RPH3A: variants seen among roughly 807,000 people sequenced by gnomAD.
RPH3A encodes the protein rabphilin 3A.
RPH3A carries 48 observed loss-of-function variants against 102.2 expected under a neutral mutation model. The ratio of observed to expected loss-of-function variants is 0.47; its 90% CI spans 0.37 to 0.60. The LOEUF (loss-of-function observed/expected upper bound fraction) is 0.60. Among genes scored for constraint, RPH3A ranks in the 20% least tolerant of loss-of-function variants. The pLI, the probability that RPH3A is intolerant of heterozygous loss-of-function variation, is 0.00. For synonymous variants in RPH3A, 310 were observed against 324.3 expected (o/e 0.96, Z 0.47); for missense variants, 781 against 910.1 (o/e 0.86, Z 1.83).
chr12:112,578,700 A>G (rs1409476118), intron 1 of RPH3A, among the ~76,000 whole-genome samples: 2 of 152,216 alleles, frequency 1.3e-5, no homozygotes, highest in Admixed American at 6.5e-5. Flanking sequence ...AGTCTGAACT[A>G]GCCACTTTCT....
At chr12:112,875,489 G>A (rs565676854) in intron 11 of RPH3A, among the ~76,000 whole-genome samples, 190 bp from the exon 12 acceptor site, 1 of 152,248 alleles carries the variant, frequency 6.6e-6, no homozygotes, top group Non-Finnish European at 1.5e-5. Flanking sequence ...AGTTCCCACA[G>A]CACTAGGGCT....
At chr12:112,672,671 C>A (rs1357646486) in intron 1 of RPH3A, among the ~76,000 whole-genome samples, 1 of 152,216 alleles carries the variant, frequency 6.6e-6, no homozygotes, top group Non-Finnish European at 1.5e-5. Flanking sequence ...TGGGGGCATG[C>A]TCACTTGTCC....
intron 1 of RPH3A, among the ~76,000 whole-genome samples, chr12:112,764,375 T>C (rs2040874379): frequency 6.6e-6 from 1 of 152,182 alleles, no homozygotes; most frequent in South Asian, 2.1e-4. Flanking sequence ...AAAGGTGGTC[T>C]TGTTATGTAG....
chr12:112,581,597 A>G (rs772231557), intron 1 of RPH3A, among the ~76,000 whole-genome samples: 10 of 152,214 alleles, frequency 6.6e-5, no homozygotes, highest in African/African-American at 1.2e-4. Flanking sequence ...ATGGGGTTTC[A>G]CTATGTTTCC....
intron 1 of RPH3A, among the ~76,000 whole-genome samples, chr12:112,581,890 T>C (rs938236920): frequency 6.8e-6 from 1 of 147,982 alleles, no homozygotes; most frequent in African/African-American, 2.5e-5. Context: ...TTAGTTTCTT[T>C]TTCCGTTGAG....
rs149584834 is a variant in RPH3A at position 112,760,657 on chromosome 12, G to A, written c.-139-31486G>A. Among the ~76,000 whole-genome samples, 540 of 152,338 alleles carry A rather than the reference G, an allele frequency of 3.5e-3. 5 individuals carry two copies. Among genetic ancestry groups the A allele is most frequent in the African/African-American group, 0.012 (503 of 41,576 alleles). ...GGGCAAGTATAAATGGCTCCTGAGA[G>A]GACATGTTTACTCAGTGGCATGGGA... On this transcript the variant is annotated intron_variant, in intron 1 of 21. Transcript: ENST00000543106.
intron 1 of RPH3A, among the ~76,000 whole-genome samples, chr12:112,606,200 C>G (rs761446215): frequency 6.6e-6 from 1 of 152,196 alleles, no homozygotes; most frequent in East Asian, 1.9e-4. Flanking sequence ...TCTTGTGAAA[C>G]GAGAACAGGT....
At chr12:112,805,223 T>G (rs1038369181) in intron 2 of RPH3A, among the ~76,000 whole-genome samples, 1 of 152,018 alleles carries the variant, frequency 6.6e-6, no homozygotes, top group African/African-American at 2.4e-5. Flanking sequence ...GGAAGAAAAT[T>G]TTACTTATCT....
At chr12:112,809,968 T>A (rs752766825) in intron 2 of RPH3A, among the ~76,000 whole-genome samples, 1 of 152,208 alleles carries the variant, frequency 6.6e-6, no homozygotes, top group Non-Finnish European at 1.5e-5. Flanking sequence ...CAGTTCTATA[T>A]GATAAGAGCT....
intron 10 of RPH3A, among the ~76,000 whole-genome samples, chr12:112,874,555 G>A (rs192531957): frequency 1.8e-3 from 267 of 152,304 alleles, no homozygotes; most frequent in African/African-American, 5.4e-3. Context: ...GTTCAGAGAG[G>A]ATGAGTATCC....
chr12:112,615,361 G>T (rs2039670664), intron 1 of RPH3A, among the ~76,000 whole-genome samples: 1 of 152,140 alleles, frequency 6.6e-6, no homozygotes, highest in African/African-American at 2.4e-5. Context: ...TCCAGTGATT[G>T]TTCCCCACAC....
chr12:112,792,785 TGTG>T (rs2041149015), intron 2 of RPH3A, among the ~76,000 whole-genome samples: 2 of 152,206 alleles, frequency 1.3e-5, no homozygotes, highest in South Asian at 2.1e-4. Context: ...GTAATTTAAT[TGTG>T]GTGATTTTTG....
At chr12:112,743,035 T>G (rs986806253) in intron 1 of RPH3A, among the ~76,000 whole-genome samples, 11 of 152,174 alleles carry the variant, frequency 7.2e-5, no homozygotes. Flanking sequence ...GTGTCCTACT[T>G]CCTCTTCTGT....
chr12:112,662,261 C>G (rs892713815), intron 1 of RPH3A, among the ~76,000 whole-genome samples: 1 of 152,172 alleles, frequency 6.6e-6, no homozygotes, highest in Non-Finnish European at 1.5e-5. Context: ...TCCCATTTGA[C>G]TCACTCCAGA....
chr12:112,601,841 T>G (rs1201280070), intron 1 of RPH3A, among the ~76,000 whole-genome samples: 1 of 151,592 alleles, frequency 6.6e-6, no homozygotes, highest in African/African-American at 2.4e-5. Flanking sequence ...CTTGGGAGGC[T>G]GAGGTAGGAG....
intron 5 of RPH3A, among the ~76,000 whole-genome samples, chr12:112,848,147 G>C (rs138325114): frequency 2.8e-3 from 429 of 152,254 alleles, no homozygotes; most frequent in African/African-American, 9.8e-3. Context: ...TTGTGATAGG[G>C]AAAGAGGAGA....
chr12:112,831,712 C>A (rs1375456057), intron 3 of RPH3A: 1 of 453,682 alleles, frequency 2.2e-6, no homozygotes, highest in Admixed American at 2.4e-5. Context: ...CTGTGTGTAT[C>A]TTAAAACATT....
In RPH3A at chr12:112,712,925, C is replaced by CTTCTTCTTCTTCTTCTTCTTCTTCT. The variant is rs1565856803; in HGVS notation, c.-139-79217_-139-79216insTCTTCTTCTTCTTCTTCTTCTTCTT. ...CTTCCTCTTCTTCTTCTTCTTCTTC[C>CTTCTTCTTCTTCTTCTTCTTCTTCT]TCTTCTTCTTCTTCTTCTTCTTCTT... On this transcript the variant is annotated intron_variant, in intron 1 of 21. Transcript: ENST00000543106. Among the ~76,000 whole-genome samples the CTTCTTCTTCTTCTTCTTCTTCTTCT allele has an allele frequency of 4.7e-4, 44 of 94,550 alleles. 3 individuals carry two copies. Among genetic ancestry groups the CTTCTTCTTCTTCTTCTTCTTCTTCT allele is most frequent in the African/African-American group, 1.9e-3 (42 of 21,916 alleles). The allele number at this position is 94,550 out of a possible 152,430, so 62.0% of individuals were successfully genotyped here.
At chr12:112,767,779 C>A (rs780279017) in intron 1 of RPH3A, among the ~76,000 whole-genome samples, 1 of 152,066 alleles carries the variant, frequency 6.6e-6, no homozygotes, top group Non-Finnish European at 1.5e-5. Flanking sequence ...TATTATTCAG[C>A]CATCAAAAGA....
Sources: gnomAD v4.1 joint callset for allele counts (sites outside exome capture counted in the v4.1 genomes callset) on GRCh38, gnomAD v4.1.1 for gene constraint, MANE v1.5 for transcripts, NCBI Gene and HGNC (gene_info 2026-07-23, HGNC 2026-07-21) for gene names.